The following KIF13A variants were observed in gnomAD, a reference collection of about 807,000 sequenced individuals.
KIF13A encodes the protein kinesin-like protein KIF13A.
Under a neutral mutation model 212.2 loss-of-function variants are expected in KIF13A, and 79 were observed. The ratio of observed to expected loss-of-function variants is 0.37; its 90% CI spans 0.31 to 0.45. KIF13A has a LOEUF of 0.45. KIF13A is among the 20% of genes least tolerant of loss of function. KIF13A has a pLI of 1.00. For synonymous variants in KIF13A, 789 were observed against 808.6 expected, an observed-to-expected ratio of 0.98 and a Z score of 0.41; for missense variants, 1,901 against 2,209.0, an observed-to-expected ratio of 0.86 and a Z score of 2.79.
Position 17,811,799 on chromosome 6 carries a change from TTTC to T in KIF13A, c.2001-2872_2001-2870del, listed in dbSNP as rs901484328. 6.6e-6 allele frequency among the ~76,000 whole-genome samples: 1 copy of T among 152,150 alleles called. No homozygotes were observed. The highest frequency in any genetic ancestry group is 2.4e-5 in the African/African-American group (1 of 41,436). On this transcript the variant is annotated intron_variant, in intron 17 of 38. Coordinates refer to ENST00000259711, the MANE Select transcript of KIF13A (RefSeq NM_022113.6). The surrounding 1 kb of genome is among the most constrained non-coding windows in gnomAD (Gnocchi z 6.0). ...ATTCCCAAAATATCTCATCTTTTTT[TTTC>T]TTCCTTCCTTCCTTCCTTCTCTCCC...
chr6:17,842,496 G>A (rs1419478729), intron 9 of KIF13A, among the ~76,000 whole-genome samples: 2 of 152,154 alleles, frequency 1.3e-5, no homozygotes, highest in Non-Finnish European at 2.9e-5. Flanking sequence ...CAGAACAAGG[G>A]AACAGCTGTT....
chr6:17,972,820 TGAGA>T (rs1237807205), intron 2 of KIF13A, among the ~76,000 whole-genome samples: 3 of 129,462 alleles, frequency 2.3e-5, no homozygotes, highest in African/African-American at 3.3e-5. Context: ...TCCTTGTCTT[TGAGA>T]GAGAGTGAGA....
At chr6:17,948,111 TTTTTC>T (rs1182555922) in intron 2 of KIF13A, among the ~76,000 whole-genome samples, 1 of 152,154 alleles carries the variant, frequency 6.6e-6, no homozygotes, top group African/African-American at 2.4e-5. Context: ...CTATCCTACT[TTTTTC>T]TATTCTATTT....
At chr6:17,767,807 A>G (rs980668928) in intron 38 of KIF13A, among the ~76,000 whole-genome samples, 9 of 152,218 alleles carry the variant, frequency 5.9e-5, no homozygotes, top group African/African-American at 1.7e-4. Context: ...CTAAAATACA[A>G]TTTTGCTGAA....
rs60217235 is a variant in KIF13A, at chr6:17,866,828, C to CATATATATATAT, written c.220+6537_220+6548dup. The stretch of plus-strand genomic sequence containing the variant: ...TAAAGGGGAGAACAAAAAAGCAGCG[C>CATATATATATAT]ATATATATATATATATATATATATA... On this transcript the variant is annotated intron_variant, in intron 4 of 38. Transcript: ENST00000259711. 4.8e-4 allele frequency among the ~76,000 whole-genome samples: 11 copies of CATATATATATAT among 22,934 alleles called. 1 individual carries two copies. The highest frequency in any genetic ancestry group is 6.9e-4 in the African/African-American group (4 of 5,780). 15.0% of individuals were successfully genotyped at this position (22,934 alleles called of 152,430 possible).
At chr6:17,904,915 G>A (rs1581689607) in intron 2 of KIF13A, among the ~76,000 whole-genome samples, 1 of 152,190 alleles carries the variant, frequency 6.6e-6, no homozygotes, top group African/African-American at 2.4e-5. Context: ...AATAGCATTT[G>A]CCTCCTGGAA....
chr6:17,794,845 A>G lies in KIF13A; in HGVS notation c.2943-141T>C. 1.3e-6 allele frequency: 1 copy of G among 769,876 alleles called. No individual in the cohort carries two copies. The highest frequency in any genetic ancestry group is 2.0e-6 in the Non-Finnish European group (1 of 500,656). 47.7% of individuals were successfully genotyped at this position (769,876 alleles called of 1,614,324 possible). A position where few individuals can be genotyped will look rare whatever the true frequency, so the allele number is the denominator to read the frequency against. ...CTTGTATAAGTTACTTCCTTATTTA[A>G]CTCTCAAAACCAACCTGTCATATTG... On this transcript the variant is annotated intron_variant, in intron 23 of 38. Transcript: ENST00000259711. This position sits in a 1 kb window ranked among gnomAD's most constrained non-coding sequence, Gnocchi z 4.1.
At chr6:17,801,661 G>A (rs1359562103) in intron 20 of KIF13A, among the ~76,000 whole-genome samples, 3 of 152,188 alleles carry the variant, frequency 2.0e-5, no homozygotes, top group Non-Finnish European at 4.4e-5. Context: ...ACTGTGCTAT[G>A]AGCATCCAAT....
intron 25 of KIF13A, among the ~76,000 whole-genome samples, chr6:17,791,506 T>C (rs1043853053): frequency 1.3e-5 from 2 of 152,252 alleles, no homozygotes; most frequent in Non-Finnish European, 1.5e-5. Flanking sequence ...TTAAGCACTA[T>C]GCTCTTAAAG....
intron 3 of KIF13A, among the ~76,000 whole-genome samples, chr6:17,880,312 T>C (rs890625236): frequency 6.6e-6 from 1 of 152,032 alleles, no homozygotes; most frequent in Non-Finnish European, 1.5e-5. Context: ...CACCATATTA[T>C]ACTAGAAAAA....
At chr6:17,782,352 C>T (rs1005554051) in intron 29 of KIF13A, among the ~76,000 whole-genome samples, 6 of 151,816 alleles carry the variant, frequency 4.0e-5, no homozygotes, top group African/African-American at 9.7e-5. Context: ...AAACACACCT[C>T]GGAGGCTGAG....
At chr6:17,958,470 T>C (rs1452320167) in intron 2 of KIF13A, among the ~76,000 whole-genome samples, 2 of 152,210 alleles carry the variant, frequency 1.3e-5, no homozygotes, top group Non-Finnish European at 2.9e-5. Context: ...AAGTAAAATA[T>C]CTATAAATAG....
At chr6:17,766,218 A>AGATT (rs1561945545) in intron 38 of KIF13A, among the ~76,000 whole-genome samples, 4 of 78,992 alleles carry the variant, frequency 5.1e-5, no homozygotes, top group African/African-American at 1.6e-4. Flanking sequence ...TTTATTTTTA[A>AGATT]GATTTATTTA....
intron 9 of KIF13A, among the ~76,000 whole-genome samples, chr6:17,842,271 G>A (rs753115098): frequency 1.8e-4 from 28 of 151,728 alleles, no homozygotes; most frequent in Non-Finnish European, 1.3e-4. Flanking sequence ...GGTTGGTCTC[G>A]AACACCTGGG....
At chr6:17,833,393 G>C (rs1024989742) in intron 12 of KIF13A, among the ~76,000 whole-genome samples, 1 of 151,572 alleles carries the variant, frequency 6.6e-6, no homozygotes, top group Non-Finnish European at 1.5e-5. Context: ...TACTTGGGGG[G>C]ACTGAGGGAG....
chr6:17,821,642 A>G, intron 16 of KIF13A: 1 of 814,640 alleles, frequency 1.2e-6, no homozygotes, highest in Non-Finnish European at 1.9e-6. Flanking sequence ...AAGAATACAG[A>G]ACACCTTCAT....
At chr6:17,916,099 C>T (rs1387548021) in intron 2 of KIF13A, among the ~76,000 whole-genome samples, 2 of 152,134 alleles carry the variant, frequency 1.3e-5, no homozygotes, top group African/African-American at 4.8e-5. Context: ...AAATGAGTCT[C>T]TGCCAATGAC....
intron 4 of KIF13A, among the ~76,000 whole-genome samples, chr6:17,864,301 A>G (rs923008444): frequency 6.6e-6 from 1 of 152,212 alleles, no homozygotes; most frequent in Non-Finnish European, 1.5e-5. Context: ...AACCATGACC[A>G]CAATGCCAAT....
rs1350482508 is a variant in KIF13A, at chr6:17,895,722, C to T, written c.159+2446G>A. 1.3e-5 allele frequency among the ~76,000 whole-genome samples: 2 copies of T among 152,228 alleles called. No homozygotes were observed. Among genetic ancestry groups the T allele is most frequent in the Non-Finnish European group, 2.9e-5 (2 of 68,038 alleles). ...CCGCTCCTTCCTGAATGGCATATATCTAAATGCTAGGTTCATCTCTCTAAA... is the reference window on the plus strand; with the variant it reads ...CCGCTCCTTCCTGAATGGCATATATTTAAATGCTAGGTTCATCTCTCTAAA... On this transcript the variant is annotated intron_variant, in intron 3 of 38. Transcript: ENST00000259711. The surrounding 1 kb of genome is among the most constrained non-coding windows in gnomAD (Gnocchi z 4.4).
Sources: allele counts gnomAD v4.1 joint callset (sites outside exome capture counted in the v4.1 genomes callset), GRCh38; gene constraint gnomAD v4.1.1; non-coding constraint Gnocchi (gnomAD v3.1); transcripts MANE v1.5; gene names NCBI Gene and HGNC (gene_info 2026-07-23, HGNC 2026-07-21).